RBFOX1: variants seen among roughly 807,000 people sequenced by gnomAD.
The protein encoded by RBFOX1 is RNA binding fox-1 homolog 1, also known as RNA binding protein fox-1 homolog 1.
A neutral mutation model predicts 57.7 loss-of-function variants in RBFOX1; 8 were observed. The observed-to-expected ratio is 0.14, with a 90% CI of 0.08 to 0.25. The LOEUF (loss-of-function observed/expected upper bound fraction) is 0.25, where lower values mean the gene tolerates loss of function less well. Ranked by LOEUF, RBFOX1 falls within the 10% of genes least tolerant of loss-of-function variation. The pLI is 1.00. For missense variants in RBFOX1, 611 were observed against 548.5 expected, an observed-to-expected ratio of 1.11 and a Z score of -1.14; for synonymous variants, 326 against 222.4, an observed-to-expected ratio of 1.47 and a Z score of -4.15.
chr16:7,424,675 G>C (rs1444852172), intron 4 of RBFOX1, among the ~76,000 whole-genome samples: 1 of 152,128 alleles, frequency 6.6e-6, no homozygotes, highest in Admixed American at 6.6e-5. Flanking sequence ...TAGTGCCCAG[G>C]ATAAGAAGGA....
Position 6,103,244 on chromosome 16 carries a change from G to C in RBFOX1, c.-127+83252G>C, listed in dbSNP as rs545023019. ...ACCCTGTGGGTTTAATTCTGTCTCTGACAGTTACCAGTTTTGTGACTGTGA... is the reference window on the plus strand; with the variant it reads ...ACCCTGTGGGTTTAATTCTGTCTCTCACAGTTACCAGTTTTGTGACTGTGA... On this transcript the variant is annotated intron_variant, in intron 1 of 15. Coordinates refer to ENST00000550418, the MANE Select transcript of RBFOX1 (RefSeq NM_018723.4). Among the ~76,000 whole-genome samples, 3 of 152,240 alleles carry C rather than the reference G, an allele frequency of 2.0e-5. No individual in the cohort carries two copies. The South Asian group carries it at 6.2e-4, about 32-fold the overall frequency.
intron 1 of RBFOX1, among the ~76,000 whole-genome samples, chr16:6,143,797 G>A (rs890670411): frequency 2.6e-5 from 4 of 151,934 alleles, no homozygotes; most frequent in Non-Finnish European, 5.9e-5. Context: ...TTGTGTGTTT[G>A]TTGGTTTTGT....
At chr16:5,618,768 C>G (rs528471403) in intron 3 of RBFOX1, among the ~76,000 whole-genome samples, 3 of 152,334 alleles carry the variant, frequency 2.0e-5, no homozygotes, top group Non-Finnish European at 2.9e-5. Flanking sequence ...GAAGGTAAAT[C>G]AGGTTAGTTT....
intron 4 of RBFOX1, among the ~76,000 whole-genome samples, chr16:7,172,898 T>A (rs1306745710): frequency 6.6e-6 from 1 of 152,118 alleles, no homozygotes; most frequent in Non-Finnish European, 1.5e-5. Flanking sequence ...TGCCATGAGA[T>A]TCCCAAGGAA....
chr16:7,269,796 A>T (rs1221409690), intron 4 of RBFOX1, among the ~76,000 whole-genome samples: 1 of 152,192 alleles, frequency 6.6e-6, no homozygotes, highest in East Asian at 1.9e-4. Context: ...TCAGGGTCGG[A>T]AGATATGAGC....
chr16:5,335,184 T>C (rs2064864370), intron 1 of RBFOX1, among the ~76,000 whole-genome samples: 1 of 129,666 alleles, frequency 7.7e-6, no homozygotes, highest in Admixed American at 8.6e-5. Flanking sequence ...TTCACCTCTC[T>C]GCAATTTAAA....
At chr16:5,891,658 G>A (rs529610537) in intron 4 of RBFOX1, among the ~76,000 whole-genome samples, 57 of 152,262 alleles carry the variant, frequency 3.7e-4, no homozygotes, top group Non-Finnish European at 6.6e-4. Flanking sequence ...CTGGGTCCTG[G>A]CCATGTGCCT....
intron 3 of RBFOX1, among the ~76,000 whole-genome samples, chr16:6,873,519 C>T (rs1261854500): frequency 6.6e-6 from 1 of 152,080 alleles, no homozygotes; most frequent in Non-Finnish European, 1.5e-5. Flanking sequence ...TGGATTATGG[C>T]TGTGTTCTTG....
chr16:7,141,212 G>A (rs1043050386), intron 4 of RBFOX1, among the ~76,000 whole-genome samples: 1 of 152,276 alleles, frequency 6.6e-6, no homozygotes, highest in Non-Finnish European at 1.5e-5. Flanking sequence ...GAAATAATGG[G>A]TGAGTGTTAG....
intron 2 of RBFOX1, among the ~76,000 whole-genome samples, chr16:6,598,960 A>G (rs1174324715): frequency 2.0e-5 from 3 of 150,388 alleles, no homozygotes; most frequent in Non-Finnish European, 4.4e-5. Context: ...ACAAAACAAA[A>G]CAAAACAAAC....
At chr16:7,094,231 C>G (rs1358226220) in intron 4 of RBFOX1, among the ~76,000 whole-genome samples, 5 of 151,740 alleles carry the variant, frequency 3.3e-5, no homozygotes, top group African/African-American at 1.2e-4. Flanking sequence ...AACTTGTGTC[C>G]CCATTCAGAG....
At chr16:6,823,445 T>C (rs1415935235) in intron 3 of RBFOX1, among the ~76,000 whole-genome samples, 2 of 152,020 alleles carry the variant, frequency 1.3e-5, no homozygotes. Context: ...TTAATAGAGA[T>C]GGGGTTTTGC....
At chr16:6,262,390 C>T (rs1007416065) in intron 1 of RBFOX1, among the ~76,000 whole-genome samples, 8 of 152,068 alleles carry the variant, frequency 5.3e-5, no homozygotes, top group South Asian at 4.2e-4. Flanking sequence ...GATATTATGG[C>T]GGTGGGGGGT....
At chr16:5,841,248 A>G (rs2056616118) in intron 3 of RBFOX1, among the ~76,000 whole-genome samples, 1 of 152,210 alleles carries the variant, frequency 6.6e-6, no homozygotes. Context: ...GAGGAGGTGA[A>G]TAAACTTGCT....
At chr16:5,458,864 A>T (rs2068708047) in intron 1 of RBFOX1, among the ~76,000 whole-genome samples, 1 of 152,210 alleles carries the variant, frequency 6.6e-6, no homozygotes, top group Non-Finnish European at 1.5e-5. Context: ...CTGGGGATAT[A>T]GTAGAGAACA....
intron 1 of RBFOX1, among the ~76,000 whole-genome samples, chr16:5,377,405 A>G (rs1398847601): frequency 1.3e-5 from 2 of 151,340 alleles, no homozygotes; most frequent in Non-Finnish European, 2.9e-5. Context: ...TGACCAGGCA[A>G]ATCACAAAGG....
At chr16:5,287,525 TA>T (rs1468025648) in intron 1 of RBFOX1, among the ~76,000 whole-genome samples, 1 of 152,210 alleles carries the variant, frequency 6.6e-6, no homozygotes, top group Non-Finnish European at 1.5e-5. Flanking sequence ...AAATGCTGCA[TA>T]ACAAGTCACT....
At chr16:7,670,764 G>C (rs1386769817) in intron 13 of RBFOX1, among the ~76,000 whole-genome samples, 1 of 152,142 alleles carries the variant, frequency 6.6e-6, no homozygotes, top group East Asian at 1.9e-4. Flanking sequence ...CAAGTGTTCA[G>C]CCATCTCAGT....
rs747067501 is a variant in RBFOX1 at position 5,804,592 on chromosome 16, G to A, written c.319-62711G>A. On this transcript the variant is annotated intron_variant, in intron 3 of 19. Coordinates refer to the RBFOX1 transcript ENST00000641259. ...TCCACCCAGATGGTGGGAGGTGAAG[G>A]GGACCTGCCCTCTGTGTGCTGCATG... is the stretch of plus-strand genomic sequence containing the variant. 8.0e-4 allele frequency among the ~76,000 whole-genome samples: 121 copies of A among 152,100 alleles called. 2 individuals carry two copies. The highest frequency in any genetic ancestry group is 1.5e-3 in the Non-Finnish European group (99 of 68,016).
Sources: gnomAD v4.1 joint callset for allele counts (sites outside exome capture counted in the v4.1 genomes callset) on GRCh38, gnomAD v4.1.1 for gene constraint, MANE v1.5 for transcripts, NCBI Gene and HGNC (gene_info 2026-07-23, HGNC 2026-07-21) for gene names.